The following BSN variants were observed in gnomAD, a reference collection of about 807,000 sequenced individuals.
The protein encoded by BSN is protein bassoon.
Under a neutral mutation model 264.8 loss-of-function variants are expected in BSN, and 57 were observed. That is an observed-to-expected ratio of 0.22 (90% CI 0.17 to 0.27). The LOEUF (loss-of-function observed/expected upper bound fraction) is 0.27. BSN is among the 10% of genes least tolerant of loss of function. The probability of loss-of-function intolerance (pLI) is 1.00; values close to 1 mark genes in which losing one functional copy is unlikely to be tolerated. For synonymous variants in BSN, 2,059 were observed against 2,137.3 expected (o/e 0.96, Z 1.01); for missense variants, 4,615 against 5,232.5 (o/e 0.88, Z 3.64).
At position 49,663,404 on chromosome 3, in the gene BSN, G is replaced by A; in HGVS notation, c.11246G>A (p.Gly3749Asp). 7 of 1,612,852 alleles carry A rather than the reference G, an allele frequency of 4.3e-6. No homozygotes were observed. The highest frequency in any genetic ancestry group is 5.9e-6 in the Non-Finnish European group (7 of 1,179,988). ...CCCCAGGCGCAGCCGCAGCTGCAAG[G>A]TCGGCAGGCAGCTCCAGGACCACAG... ...AEPQAQPQLQ[G>D]RQAAPGPQQS... Residue 3749 changes from glycine to aspartate, a missense_variant, in exon 7 of 12, where the codon GGT becomes GAT. Physicochemically the swap from Gly to Asp is moderately conservative, Grantham distance 94. Coordinates refer to ENST00000296452, the MANE Select transcript of BSN (RefSeq NM_003458.4).
chr3:49,605,991 A>T (rs1231912549), intron 1 of BSN, among the ~76,000 whole-genome samples: 1 of 92,510 alleles, frequency 1.1e-5, no homozygotes, highest in Non-Finnish European at 1.8e-5. Context: ...ATAAATAAAA[A>T]ATATATATTT....
intron 1 of BSN, among the ~76,000 whole-genome samples, chr3:49,619,809 G>A (rs1275658030): frequency 1.3e-5 from 2 of 152,108 alleles, no homozygotes; most frequent in Non-Finnish European, 2.9e-5. Context: ...GGCACTTGCC[G>A]TGTTTCCTCA....
In BSN at chr3:49,651,716, C is replaced by T; in HGVS notation, c.2160C>T (p.Ser720=). ...GGGTGACAGGGCCACATCCACCCAG[C>T]CCCTCCGAGATCCACAAGGTGGGGA... is the stretch of plus-strand genomic sequence containing the variant. ...SAGVTGPHPP[S]PSEIHKVGSS... Residue 720 remains serine, a synonymous_variant, in exon 5 of 12, where the codon AGC becomes AGT. Coordinates refer to ENST00000296452, the MANE Select transcript of BSN (RefSeq NM_003458.4). This position sits in a 1 kb window ranked among gnomAD's most constrained non-coding sequence, Gnocchi z 5.4. The T allele has an allele frequency of 1.9e-6, 3 of 1,613,030 alleles. No individual in the cohort carries two copies. The highest frequency in any genetic ancestry group is 2.5e-6 in the Non-Finnish European group (3 of 1,179,662).
At chr3:49,627,525 A>G (rs755464959) in intron 2 of BSN, among the ~76,000 whole-genome samples, 1 of 152,218 alleles carries the variant, frequency 6.6e-6, no homozygotes. Context: ...CTTCCTGGTC[A>G]TGCTTCCATG....
chr3:49,597,627 G>C (rs926295192), intron 1 of BSN, among the ~76,000 whole-genome samples: 1 of 152,054 alleles, frequency 6.6e-6, no homozygotes, highest in Non-Finnish European at 1.5e-5. Flanking sequence ...CACTGCACTT[G>C]GTTCATTATT....
chr3:49,661,469 G>A lies in BSN; in HGVS notation c.9624G>A (p.Gln3208=). The part of the protein sequence containing the change: ...PRAGDRGSVS[Q]SPAPTYPSDS... ...CTGGTGACCGTGGCAGTGTGAGCCA[G>A]AGCCCAGCCCCCACCTACCCCTCTG... Residue 3208 remains glutamine (Q), a synonymous_variant, in exon 6 of 12, where the codon CAG becomes CAA. Coordinates refer to ENST00000296452, the MANE Select transcript of BSN (RefSeq NM_003458.4). The A allele has an allele frequency of 6.2e-7, 1 of 1,613,204 alleles. No individual in the cohort carries two copies. The highest frequency in any genetic ancestry group is 2.2e-5 in the East Asian group (1 of 44,796).
rs147465146 is a variant in BSN, at chr3:49,654,111, C to T, written c.4555C>T (p.Arg1519Trp). 3.5e-4 allele frequency: 570 copies of T among 1,614,052 alleles called. 3 individuals are homozygous for T. Among genetic ancestry groups the T allele is most frequent in the South Asian group, 2.0e-3 (184 of 91,090 alleles). ...TCCAGCCCCTGCCTCAGACATGCCA[C>T]GGAGCCCTGGTGCCCCCACTCCATC... ...PSPAPASDMP[R>W]SPGAPTPSPM... The change falls in exon 5 of 12, where the codon CGG becomes TGG. Residue 1519 changes from arginine (R) to tryptophan (W), a missense_variant. This residue lies in a region of BSN where 3,415 missense variants were observed against 3,866.4 expected (regional missense o/e 0.88). Transcript: ENST00000296452. The surrounding 1 kb of genome is among the most constrained non-coding windows in gnomAD (Gnocchi z 4.1).
At position 49,625,077 on chromosome 3, in the gene BSN, C is replaced by T. The variant is rs1469181171; in HGVS notation, c.327C>T (p.Pro109=). ...ASATTPGHES[P]RETRAQGPAG... ...CTACCACTCCTGGCCATGAGAGCCCCCGAGAGACAAGGGCACAGGGACCAG... is the reference window on the plus strand; with the variant it reads ...CTACCACTCCTGGCCATGAGAGCCCTCGAGAGACAAGGGCACAGGGACCAG... Residue 109 remains proline, a synonymous_variant, in exon 2 of 12, where the codon CCC becomes CCT. Transcript: ENST00000296452. The surrounding 1 kb of genome is among the most constrained non-coding windows in gnomAD (Gnocchi z 4.4). 1.9e-6 allele frequency: 3 copies of T among 1,607,834 alleles called. No individual in the cohort carries two copies. Among genetic ancestry groups the T allele is most frequent in the East Asian group, 2.2e-5 (1 of 44,624 alleles).
At chr3:49,648,932 G>A (rs2052519085) in intron 3 of BSN, among the ~76,000 whole-genome samples, 1 of 152,248 alleles carries the variant, frequency 6.6e-6, no homozygotes, top group Admixed American at 6.5e-5. Flanking sequence ...AAGAGCAGAA[G>A]CTCCAGTGGG....
At chr3:49,612,521 A>G (rs2052216470) in intron 1 of BSN, among the ~76,000 whole-genome samples, 1 of 152,196 alleles carries the variant, frequency 6.6e-6, no homozygotes, top group South Asian at 2.1e-4. Context: ...CAGAGGGCCA[A>G]AACAAATTAT....
chr3:49,596,267 G>T (rs1401355549), intron 1 of BSN, among the ~76,000 whole-genome samples: 1 of 152,060 alleles, frequency 6.6e-6, no homozygotes, highest in African/African-American at 2.4e-5. Flanking sequence ...AGCCGGGTGT[G>T]GTGGCGGGTG....
chr3:49,609,407 A>C (rs2052185617), intron 1 of BSN, among the ~76,000 whole-genome samples: 1 of 152,022 alleles, frequency 6.6e-6, no homozygotes, highest in Non-Finnish European at 1.5e-5. Context: ...GCTTGGCCTG[A>C]ATTGGCTTTT....
Position 49,655,453 on chromosome 3 carries a change from A to G in BSN, c.5897A>G (p.His1966Arg). 7 of 1,575,292 alleles carry G rather than the reference A, an allele frequency of 4.4e-6. No individual in the cohort carries two copies. The highest frequency in any genetic ancestry group is 6.0e-6 in the Non-Finnish European group (7 of 1,159,562). ...RAQGVVGPGPHEEQRPYPQGL... is the reference protein window; with the variant it reads ...RAQGVVGPGPREEQRPYPQGL... Reference sequence around the variant, plus strand: ...CAGGGGGTGGTGGGGCCTGGGCCCCATGAGGAGCAGAGGCCCTACCCACAA... The same window carrying G: ...CAGGGGGTGGTGGGGCCTGGGCCCCGTGAGGAGCAGAGGCCCTACCCACAA... Residue 1966 changes from histidine (H) to arginine (R), a missense_variant, in exon 5 of 12, where the codon CAT (histidine) becomes CGT (arginine). This residue lies in a region of BSN where 3,415 missense variants were observed against 3,866.4 expected (regional missense o/e 0.88). Coordinates refer to ENST00000296452, the MANE Select transcript of BSN (RefSeq NM_003458.4).
At position 49,663,267 on chromosome 3, in the gene BSN, T is replaced by C. The variant is rs757505082; in HGVS notation, c.11109T>C (p.Ala3703=). 1 of 1,614,122 alleles carries C rather than the reference T, an allele frequency of 6.2e-7. No homozygotes were observed. The highest frequency in any genetic ancestry group is 8.5e-7 in the Non-Finnish European group (1 of 1,180,020). ...KKGQPGYPSS[A]EYSQPSRASS... ...GTCAGCCTGGGTATCCCAGCTCTGC[T>C]GAGTACTCACAGCCATCCCGTGCTT... The change falls in exon 7 of 12, where the codon GCT becomes GCC. Residue 3703 remains alanine (A), a synonymous_variant. Coordinates refer to ENST00000296452, the MANE Select transcript of BSN (RefSeq NM_003458.4).
intron 1 of BSN, among the ~76,000 whole-genome samples, chr3:49,595,481 G>A (rs189944909): frequency 1.3e-4 from 19 of 151,552 alleles, no homozygotes; most frequent in African/African-American, 3.9e-4. Context: ...GAGCCACTGC[G>A]CCCGGCCTCA....
chr3:49,640,809 CAT>C (rs2052457602), intron 2 of BSN: 1 of 152,254 alleles, frequency 6.6e-6, no homozygotes, highest in South Asian at 2.1e-4. Flanking sequence ...CAAAGGAGAG[CAT>C]TTTAGATTGT....
chr3:49,560,568 G>A (rs1169312081), intron 1 of BSN, among the ~76,000 whole-genome samples: 1 of 152,236 alleles, frequency 6.6e-6, no homozygotes, highest in South Asian at 2.1e-4. Flanking sequence ...AGGACATGAG[G>A]CCCTCTGGGT....
rs1183876745 is a variant in BSN at position 49,668,884 on chromosome 3, T to G, written c.*1399T>G. On this transcript the variant is annotated 3_prime_UTR_variant, in exon 12 of 12. Coordinates refer to ENST00000296452, the MANE Select transcript of BSN (RefSeq NM_003458.4). Reference sequence around the variant, plus strand: ...ACCCTCAATGACAACTGTTAATATTTAATAAATTCCATGTTATGTATAAGG... The same window carrying G: ...ACCCTCAATGACAACTGTTAATATTGAATAAATTCCATGTTATGTATAAGG... The G allele has an allele frequency of 6.6e-6, 1 of 152,646 alleles. No individual in the cohort carries two copies. The highest frequency in any genetic ancestry group is 1.5e-5 in the Non-Finnish European group (1 of 68,044). The allele number at this position is 152,646 out of a possible 1,614,324, so 9.5% of individuals were successfully genotyped here.
In BSN at chr3:49,574,015, T is replaced by A. The variant is rs533191226; in HGVS notation, c.224+19189T>A. ...CCCAGGCTGGAGTGCAGTGGTGCAG[T>A]CACAGCCCATTGCAGCCTCAGCCTC... is the stretch of plus-strand genomic sequence containing the variant. On this transcript the variant is annotated intron_variant, in intron 1 of 11. Transcript: ENST00000296452. Among the ~76,000 whole-genome samples the A allele has an allele frequency of 4.6e-5, 7 of 152,232 alleles. No homozygotes were observed. The South Asian group carries it at 1.4e-3, about 31-fold the overall frequency.
Sources: allele counts gnomAD v4.1 joint callset (sites outside exome capture counted in the v4.1 genomes callset), GRCh38; gene constraint gnomAD v4.1.1; regional missense constraint gnomAD v4.1.1; non-coding constraint Gnocchi (gnomAD v3.1); transcripts MANE v1.5; gene names NCBI Gene and HGNC (gene_info 2026-07-23, HGNC 2026-07-21).